MAGIX: variants seen among roughly 807,000 people sequenced by gnomAD.
The protein encoded by MAGIX is PDZ domain-containing protein MAGIX.
A neutral mutation model predicts 10.0 loss-of-function variants in MAGIX; 13 were observed. The ratio of observed to expected loss-of-function variants is 1.30; its 90% CI spans 0.84 to 2.06. MAGIX has a LOEUF of 2.06. Among genes scored for constraint, MAGIX ranks in the 30% most tolerant of loss-of-function variants. The probability of loss-of-function intolerance (pLI) is 0.00; values close to 1 mark genes in which losing one functional copy is unlikely to be tolerated. For missense variants in MAGIX, 235 were observed against 245.2 expected (o/e 0.96, Z 0.28); for synonymous variants, 108 against 106.8 (o/e 1.01, Z -0.07).
chrX:49,162,914 G>T, intron 1 of MAGIX: 2 of 844,110 alleles, frequency 2.4e-6, no homozygotes, highest in African/African-American at 4.4e-5. Context: ...AGGGGACGCC[G>T]CGGACCCTAG....
At chrX:49,163,663 A>G in intron 1 of MAGIX, 120 bp from the exon 2 acceptor site, 1 of 667,248 alleles carries the variant, frequency 1.5e-6, no homozygotes, top group Non-Finnish European at 2.0e-6. Context: ...GAAACTATCG[A>G]GGGAGTGGCC....
chrX:49,164,044 C>A, intron 2 of MAGIX, 115 bp downstream of exon 2: 2 of 744,844 alleles, frequency 2.7e-6, no homozygotes, highest in Middle Eastern at 3.7e-4. Flanking sequence ...GGCCAAGGGG[C>A]GCGACTTGGG....
rs782307827 is a variant in MAGIX, at chrX:49,166,450, G to A, written c.*51G>A. ...ACTAGTTACCGCCCAACCTGGATCC[G>A]GCGCGTGTGGCCGCTGGGCACTTGG... On this transcript the variant is annotated 3_prime_UTR_variant, in exon 5 of 5. Transcript: ENST00000616266. The A allele has an allele frequency of 3.9e-6, 4 of 1,014,884 alleles. No individual in the cohort carries two copies. In the African/African-American group the frequency reaches 7.7e-5, roughly 20 times the overall value. The allele number at this position is 1,014,884 out of a possible 1,213,427, so 83.6% of individuals were successfully genotyped here. A position where few individuals can be genotyped will look rare whatever the true frequency, so the allele number is the denominator to read the frequency against.
At chrX:49,164,191 T>C (rs2065350148) in intron 2 of MAGIX, 1 of 268,403 alleles carries the variant, frequency 3.7e-6, no homozygotes, top group Non-Finnish European at 6.6e-6. Context: ...GCGGTCCTTT[T>C]TGAGGAGGCA....
At chrX:49,163,808 C>T in exon 2 of MAGIX, 1 of 1,051,048 alleles carries the variant, frequency 9.5e-7, no homozygotes, top group Non-Finnish European at 1.2e-6. Context: ...CGCTCGCGGG[C>T]CCTAGCGCCC....
rs782147900 is a variant in MAGIX at position 49,166,191 on chromosome X, G to C, written c.620G>C (p.Arg207Pro). 1.7e-5 allele frequency: 21 copies of C among 1,209,828 alleles called. No individual in the cohort carries two copies. The East Asian group carries it at 3.3e-4, about 19-fold the overall frequency. The change falls in exon 5 of 5, where the codon CGG becomes CCG. Residue 207 changes from arginine to proline, a missense_variant. By Grantham distance (103) the Arg-to-Pro change is moderately radical (BLOSUM62 -2). Coordinates refer to ENST00000616266, the Ensembl canonical transcript of MAGIX. ...TCCCGGACGACGCTCAAGAAGACCC[G>C]GGGCAGCCCGGAGCCTAGTCCAGAG...
Position 49,163,904 on chromosome X carries a change from C to T in MAGIX, c.-80C>T, listed in dbSNP as rs1557096896. 8 of 1,022,856 alleles carry T rather than the reference C, an allele frequency of 7.8e-6. No homozygotes were observed. The South Asian group carries it at 2.2e-4, about 28-fold the overall frequency. 84.3% of individuals were successfully genotyped at this position (1,022,856 alleles called of 1,213,427 possible). On this transcript the variant is annotated 5_prime_UTR_variant, in exon 2 of 5. Coordinates refer to ENST00000616266, the Ensembl canonical transcript of MAGIX. Reference sequence around the variant, plus strand: ...CAGCGCTGGTACGCAGGGCGGGCGCCACATTGCGCCTGCGCCGGAAGGAGG... The same window carrying T: ...CAGCGCTGGTACGCAGGGCGGGCGCTACATTGCGCCTGCGCCGGAAGGAGG...
intron 1 of MAGIX, 73 bp from the exon 2 acceptor site, chrX:49,163,710 C>T: frequency 1.1e-6 from 1 of 946,443 alleles, no homozygotes; most frequent in South Asian, 3.8e-5. Context: ...ATTTCTAGGT[C>T]TTCGAGCGTC....
intron 1 of MAGIX, chrX:49,162,873 C>G (rs1175783022): frequency 0.017 from 15,009 of 899,069 alleles, 199 homozygotes; most frequent in Middle Eastern, 0.028. Flanking sequence ...CTGCGTCCAC[C>G]CGGCGGACTA....
At chrX:49,164,359 T>C in intron 2 of MAGIX, 1 of 350,184 alleles carries the variant, frequency 2.9e-6, no homozygotes, top group Middle Eastern at 8.1e-4. Context: ...TATGGAAGGT[T>C]CAGGAGCCAA....
chrX:49,163,599 C>T, intron 1 of MAGIX, 184 bp from the exon 2 acceptor site: 1 of 343,432 alleles, frequency 2.9e-6, no homozygotes, highest in Non-Finnish European at 4.6e-6. Context: ...GGGGGTGCAC[C>T]GGCTACCCGC....
chrX:49,164,340 A>T, intron 2 of MAGIX: 1 of 324,785 alleles, frequency 3.1e-6, no homozygotes, highest in Non-Finnish European at 5.4e-6. Context: ...GGCTAATTAG[A>T]GGGCGTGCTA....
chrX:49,162,900 G>A (rs1233965140), intron 1 of MAGIX: 7 of 892,112 alleles, frequency 7.8e-6, no homozygotes, highest in South Asian at 3.0e-5. Context: ...ATGGAGCCGC[G>A]CACAGGGGAC....
At chrX:49,163,152 G>A (rs1486605871) in intron 1 of MAGIX, 3 of 277,759 alleles carry the variant, frequency 1.1e-5, no homozygotes, top group African/African-American at 8.8e-5. Flanking sequence ...GCGCACCAGA[G>A]CAGGGGAGGG....
At chrX:49,165,051 G>C (rs2065356686) in exon 3 of MAGIX, 3 of 1,208,179 alleles carry the variant, frequency 2.5e-6, no homozygotes, top group Non-Finnish European at 3.4e-6. Flanking sequence ...TGCGCGGGCT[G>C]CTGAAGGATG....
exon 5 of MAGIX, chrX:49,166,845 C>T (rs922427322): frequency 8.1e-6 from 1 of 123,457 alleles, no homozygotes; most frequent in African/African-American, 3.2e-5. Context: ...TCATTAATTT[C>T]ACCTTTTTGG....
chrX:49,163,791 C>T, exon 2 of MAGIX: 1 of 1,049,521 alleles, frequency 9.5e-7, no homozygotes, highest in South Asian at 2.6e-5. Context: ...AGGCCGCGGC[C>T]CCTCCCCGCT....
chrX:49,165,210 C>T (rs781955378), exon 4 of MAGIX: 33 of 1,188,439 alleles, frequency 2.8e-5, no homozygotes, highest in Non-Finnish European at 3.4e-6. Flanking sequence ...TCGTGCTCCA[C>T]ATCAACGGAG....
In MAGIX at chrX:49,166,064, T is replaced by G. The variant is rs1368086390; in HGVS notation, c.503-10T>G. The G allele has an allele frequency of 8.3e-7, 1 of 1,203,662 alleles. No homozygotes were observed. The highest frequency in any genetic ancestry group is 1.1e-6 in the Non-Finnish European group (1 of 890,363). ...CCCTTCCCTACTTCACCACCCAATC[T>G]AATCCGTAGTCCCGTCATGGCCAGA... is the stretch of plus-strand genomic sequence containing the variant. On this transcript the variant is annotated splice_polypyrimidine_tract_variant and intron_variant, in intron 4 of 4. Coordinates refer to ENST00000616266, the Ensembl canonical transcript of MAGIX.
Sources: allele counts gnomAD v4.1 joint callset, GRCh38; gene constraint gnomAD v4.1.1; transcripts MANE v1.5; gene names NCBI Gene and HGNC (gene_info 2026-07-23, HGNC 2026-07-21).